The following FOXP1 variants were observed in gnomAD, a reference collection of about 807,000 sequenced individuals.
The protein encoded by FOXP1 is forkhead box protein P1.
A neutral mutation model predicts 98.2 loss-of-function variants in FOXP1; 15 were observed. The ratio of observed to expected loss-of-function variants is 0.15; its 90% CI spans 0.10 to 0.24. The LOEUF (loss-of-function observed/expected upper bound fraction) is 0.24, where lower values mean the gene tolerates loss of function less well. Among genes scored for constraint, FOXP1 ranks in the 10% least tolerant of loss-of-function variants. The pLI, the probability that FOXP1 is intolerant of heterozygous loss-of-function variation, is 1.00. For missense variants in FOXP1, 633 were observed against 848.5 expected (o/e 0.75, Z 3.15); for synonymous variants, 371 against 314.5 (o/e 1.18, Z -1.90).
intron 18 of FOXP1, chr3:70,971,964 CAAAGCAACAGCAGAAAAAA>C (rs1559600284): frequency 7.4e-7 from 1 of 1,353,654 alleles, no homozygotes. Flanking sequence ...CATGCAAAGC[CAAAGCAACAGCAGAAAAAA>C]AAAACAAAAG....
chr3:71,132,686 C>T (rs1246910012), intron 6 of FOXP1, among the ~76,000 whole-genome samples: 2 of 152,098 alleles, frequency 1.3e-5, no homozygotes, highest in Non-Finnish European at 2.9e-5. Flanking sequence ...TAGTGCCCCT[C>T]TTTTTTTGCA....
At chr3:70,971,126 G>GGCA in intron 18 of FOXP1, 1 of 372,832 alleles carries the variant, frequency 2.7e-6, no homozygotes, top group Admixed American at 3.8e-5. Context: ...CAGAAAGGAA[G>GGCA]GCAGCAGCCT....
At chr3:71,296,468 T>C (rs552514502) in intron 5 of FOXP1, 33 of 152,342 alleles carry the variant, frequency 2.2e-4, no homozygotes, top group African/African-American at 7.5e-4. Flanking sequence ...TCAAGATATA[T>C]ACAAATTAGT....
intron 2 of FOXP1, among the ~76,000 whole-genome samples, chr3:71,498,070 T>C (rs1274360192): frequency 6.6e-6 from 1 of 152,158 alleles, no homozygotes; most frequent in Non-Finnish European, 1.5e-5. Flanking sequence ...TACTAAGTCC[T>C]TTCCAACGCT....
In FOXP1 at chr3:71,460,766, G is replaced by A. The variant is rs545095928; in HGVS notation, c.-168+32660C>T. Among the ~76,000 whole-genome samples, 8 of 152,272 alleles carry A rather than the reference G, an allele frequency of 5.3e-5. No homozygotes were observed. In the South Asian group the frequency reaches 1.7e-3, roughly 32 times the overall value. On this transcript the variant is annotated intron_variant, in intron 3 of 20. Transcript: ENST00000649528. ...ATTTTTCTAACCTAAAACAAAGAAA[G>A]GGAAAATAAGAGTCTTACATTATAC...
chr3:71,394,990 C>G (rs573171905), intron 3 of FOXP1, among the ~76,000 whole-genome samples: 1 of 149,922 alleles, frequency 6.7e-6, no homozygotes, highest in South Asian at 2.1e-4. Context: ...ATCCCAGCTA[C>G]TTGGGAGGCT....
Position 70,979,316 on chromosome 3 carries a change from A to T in FOXP1, c.1147-1287T>A, listed in dbSNP as rs11128200. On this transcript the variant is annotated intron_variant, in intron 14 of 20. Coordinates refer to ENST00000649528, the MANE Select transcript of FOXP1 (RefSeq NM_001349338.3). ...AAAAAAAAAAAAAAAAAAAAAAAAA[A>T]AAAAGAAAAAAATAAATTAATGAGC... 2.6e-4 allele frequency among the ~76,000 whole-genome samples: 25 copies of T among 96,476 alleles called. 1 individual carries two copies. The highest frequency in any genetic ancestry group is 2.2e-3 in the East Asian group (6 of 2,692). 63.3% of individuals were successfully genotyped at this position (96,476 alleles called of 152,430 possible). A position where few individuals can be genotyped will look rare whatever the true frequency, so the allele number is the denominator to read the frequency against.
chr3:71,342,251 T>A (rs183524935), intron 4 of FOXP1, among the ~76,000 whole-genome samples: 1 of 152,358 alleles, frequency 6.6e-6, no homozygotes, highest in East Asian at 1.9e-4. Context: ...AAGGGACTTA[T>A]AGGAAACCAT....
At chr3:71,070,527 A>T (rs2053088581) in intron 7 of FOXP1, among the ~76,000 whole-genome samples, 1 of 152,212 alleles carries the variant, frequency 6.6e-6, no homozygotes, top group African/African-American at 2.4e-5. Context: ...GAAGAGAAAA[A>T]GCAAAAGAAG....
At chr3:71,564,059 A>C (rs951029058) in intron 2 of FOXP1, among the ~76,000 whole-genome samples, 4 of 152,212 alleles carry the variant, frequency 2.6e-5, no homozygotes, top group Non-Finnish European at 5.9e-5. Context: ...TGTTACTTGC[A>C]CCTGCACTAA....
intron 9 of FOXP1, among the ~76,000 whole-genome samples, chr3:71,048,311 C>T (rs1043491003): frequency 2.6e-5 from 4 of 152,130 alleles, no homozygotes; most frequent in Non-Finnish European, 5.9e-5. Context: ...TTCACTTAAC[C>T]TAACACATGA....
At chr3:71,114,775 C>T (rs2107767398) in intron 6 of FOXP1, among the ~76,000 whole-genome samples, 1 of 152,316 alleles carries the variant, frequency 6.6e-6, no homozygotes, top group East Asian at 1.9e-4. Flanking sequence ...CATCTGGAAG[C>T]CAAGACGCCT....
At position 71,085,735 on chromosome 3, in the gene FOXP1, C is replaced by CT. The variant is rs56318177; in HGVS notation, c.282+26800dup. Among the ~76,000 whole-genome samples, 28 of 37,034 alleles carry CT rather than the reference C, an allele frequency of 7.6e-4. 9 individuals carry two copies. The highest frequency in any genetic ancestry group is 6.9e-3 in the Admixed American group (12 of 1,746). 24.3% of individuals were successfully genotyped at this position (37,034 alleles called of 152,430 possible). A position where few individuals can be genotyped will look rare whatever the true frequency, so the allele number is the denominator to read the frequency against. ...TTGTATGGTGGGTATCATTTATGGC[C>CT]TTTTTTTTTTTTTTACATGGAGTCT... is the stretch of plus-strand genomic sequence containing the variant. On this transcript the variant is annotated intron_variant, in intron 7 of 20. Coordinates refer to ENST00000649528, the MANE Select transcript of FOXP1 (RefSeq NM_001349338.3).
intron 5 of FOXP1, among the ~76,000 whole-genome samples, chr3:71,225,017 T>A (rs755405886): frequency 2.0e-5 from 3 of 152,128 alleles, no homozygotes; most frequent in Non-Finnish European, 4.4e-5. Flanking sequence ...ATACCTGCAA[T>A]AAAACACAGC....
At chr3:71,196,547 T>C (rs550768255) in intron 6 of FOXP1, among the ~76,000 whole-genome samples, 17 of 152,226 alleles carry the variant, frequency 1.1e-4, no homozygotes, top group Non-Finnish European at 1.9e-4. Context: ...CAGTCAGTAG[T>C]AGCCCCATAT....
At chr3:71,027,497 T>G (rs2046287751) in intron 11 of FOXP1, among the ~76,000 whole-genome samples, 1 of 152,200 alleles carries the variant, frequency 6.6e-6, no homozygotes, top group Non-Finnish European at 1.5e-5. Flanking sequence ...GTAATTACAT[T>G]TATTTCTCTA....
intron 12 of FOXP1, among the ~76,000 whole-genome samples, chr3:71,008,464 T>C (rs2043086767): frequency 6.6e-6 from 1 of 152,246 alleles, no homozygotes; most frequent in East Asian, 1.9e-4. Context: ...TTTTCTGTTA[T>C]CGGAGGATGC....
At chr3:71,028,741 T>G (rs1433741073) in intron 11 of FOXP1, among the ~76,000 whole-genome samples, 1 of 152,230 alleles carries the variant, frequency 6.6e-6, no homozygotes, top group African/African-American at 2.4e-5. Context: ...GAAATAATTT[T>G]ACAACTCACC....
At chr3:71,459,741 CA>C (rs2087844465) in intron 3 of FOXP1, among the ~76,000 whole-genome samples, 1 of 152,044 alleles carries the variant, frequency 6.6e-6, no homozygotes, top group African/African-American at 2.4e-5. Flanking sequence ...AAGGCAAACA[CA>C]CATGAAAAAG....
Sources: gnomAD v4.1 joint callset for allele counts (sites outside exome capture counted in the v4.1 genomes callset) on GRCh38, gnomAD v4.1.1 for gene constraint, MANE v1.5 for transcripts, NCBI Gene and HGNC (gene_info 2026-07-23, HGNC 2026-07-21) for gene names.